The following RBM33 variants were observed in gnomAD, a reference collection of about 807,000 sequenced individuals.
The protein encoded by RBM33 is RNA binding motif protein 33, also known as RNA-binding protein 33.
In RBM33, 28 loss-of-function variants were observed where a neutral mutation model predicts 132.6. That is an observed-to-expected ratio of 0.21 (90% CI 0.16 to 0.29). RBM33 has a LOEUF of 0.29. RBM33 is among the 10% of genes least tolerant of loss of function. The pLI is 1.00. For missense variants in RBM33, 1,291 were observed against 1,518.5 expected (o/e 0.85, Z 2.49); for synonymous variants, 634 against 593.0 (o/e 1.07, Z -1.01).
rs548976812 is a variant in RBM33 at position 155,673,060 on chromosome 7, G to A, written c.171+145G>A. On this transcript the variant is annotated intron_variant, in intron 3 of 17. Transcript: ENST00000401878. ...GTAAACTGAATTATTTTTTAAGTGCGCAGGGAATTGACTGTTTATTAGTAA... is the reference window on the plus strand; with the variant it reads ...GTAAACTGAATTATTTTTTAAGTGCACAGGGAATTGACTGTTTATTAGTAA... The A allele has an allele frequency of 2.7e-4, 136 of 497,392 alleles. No homozygotes were observed. In the South Asian group the frequency reaches 3.8e-3, roughly 14 times the overall value. 30.8% of individuals were successfully genotyped at this position (497,392 alleles called of 1,614,324 possible). A position where few individuals can be genotyped will look rare whatever the true frequency, so the allele number is the denominator to read the frequency against.
At chr7:155,682,501 T>C (rs1799363435) in intron 5 of RBM33, among the ~76,000 whole-genome samples, 1 of 152,220 alleles carries the variant, frequency 6.6e-6, no homozygotes, top group African/African-American at 2.4e-5. Flanking sequence ...TTGTGCCTAG[T>C]TATTGCCTAG....
In RBM33 at chr7:155,737,552, A is replaced by G; in HGVS notation, c.1283A>G (p.His428Arg). The change falls in exon 10 of 18, where the codon CAT (histidine) becomes CGT (arginine). Residue 428 changes from histidine (H) to arginine (R), a missense_variant. Transcript: ENST00000401878. The stretch of plus-strand genomic sequence containing the variant: ...TAGGGCCCTCCAGAATTTCCACAGC[A>G]TACACCTGGACCTGTTCCCAACAGT... Reference protein sequence around the residue: ...RFPGPPEFPQHTPGPVPNSFS... With the variant: ...RFPGPPEFPQRTPGPVPNSFS... 1 of 1,611,478 alleles carries G rather than the reference A, an allele frequency of 6.2e-7. No individual in the cohort carries two copies. Among genetic ancestry groups the G allele is most frequent in the Non-Finnish European group, 8.5e-7 (1 of 1,179,126 alleles).
chr7:155,714,849 G>C (rs1800412501), intron 8 of RBM33, among the ~76,000 whole-genome samples: 1 of 152,152 alleles, frequency 6.6e-6, no homozygotes, highest in Non-Finnish European at 1.5e-5. Flanking sequence ...TCCCATACGT[G>C]GGTGAGAAGT....
chr7:155,695,717 T>C (rs1799775745), intron 5 of RBM33, among the ~76,000 whole-genome samples: 1 of 152,216 alleles, frequency 6.6e-6, no homozygotes, highest in African/African-American at 2.4e-5. Flanking sequence ...CGCCTTGGCC[T>C]CCCAAAGTGC....
chr7:155,775,175 CGCCA>C lies in RBM33; in HGVS notation c.*143_*146del. ...TGTCCTGCGTAACTGTTCTCCAGAG[CGCCA>C]GCCAGCCACGGGCCTGATTCCAGAG... On this transcript the variant is annotated 3_prime_UTR_variant, in exon 18 of 18. Coordinates refer to ENST00000401878, the MANE Select transcript of RBM33 (RefSeq NM_053043.3). 1.2e-6 allele frequency: 1 copy of C among 806,318 alleles called. No homozygotes were observed. Among genetic ancestry groups the C allele is most frequent in the Non-Finnish European group, 2.2e-6 (1 of 464,096 alleles). 49.9% of individuals were successfully genotyped at this position (806,318 alleles called of 1,614,324 possible).
At chr7:155,729,715 T>C (rs985583849) in intron 9 of RBM33, among the ~76,000 whole-genome samples, 78 of 148,560 alleles carry the variant, frequency 5.3e-4, no homozygotes, top group African/African-American at 1.8e-3. Flanking sequence ...CCAGTCTGTG[T>C]GACAAAGCAA....
rs929552126 is a variant in RBM33 at position 155,745,824 on chromosome 7, C to T, written c.2979+222C>T. On this transcript the variant is annotated intron_variant, in intron 14 of 17. Transcript: ENST00000401878. This position sits in a 1 kb window ranked among gnomAD's most constrained non-coding sequence, Gnocchi z 4.1. ...GCGATTTTGTCATTGTCTGAACGTG[C>T]TAGAATGTACTTCCATACACAGACG... 18 of 563,156 alleles carry T rather than the reference C, an allele frequency of 3.2e-5. No homozygotes were observed. The Admixed American group carries it at 4.9e-4, about 15-fold the overall frequency. The allele number at this position is 563,156 out of a possible 1,614,324, so 34.9% of individuals were successfully genotyped here.
rs1802599775 is a variant in RBM33, at chr7:155,776,112, A to G, written c.*1071A>G. The G allele has an allele frequency of 1.3e-5, 2 of 152,486 alleles. No individual in the cohort carries two copies. Among genetic ancestry groups the G allele is most frequent in the African/African-American group, 2.4e-5 (1 of 41,438 alleles). The allele number at this position is 152,486 out of a possible 1,614,324, so 9.4% of individuals were successfully genotyped here. ...TGTCATCATTGAAACTGCTTTTCGT[A>G]ATTGCGGGTAGGTTCCTGTAGGTGA... On this transcript the variant is annotated 3_prime_UTR_variant, in exon 18 of 18. Coordinates refer to ENST00000401878, the MANE Select transcript of RBM33 (RefSeq NM_053043.3). This position sits in a 1 kb window ranked among gnomAD's most constrained non-coding sequence, Gnocchi z 4.0.
intron 16 of RBM33, among the ~76,000 whole-genome samples, chr7:155,771,766 C>T (rs1333066782): frequency 2.0e-5 from 3 of 152,210 alleles, no homozygotes; most frequent in Middle Eastern, 3.4e-3. Flanking sequence ...GAGTCTCGCT[C>T]TGTCACCCAG....
chr7:155,681,179 G>A (rs1799328286), intron 5 of RBM33, among the ~76,000 whole-genome samples: 1 of 152,224 alleles, frequency 6.6e-6, no homozygotes, highest in African/African-American at 2.4e-5. Flanking sequence ...TTTGTGTGGT[G>A]GGGATACACT....
chr7:155,773,568 CAAAAAA>C (rs201127157), intron 16 of RBM33, among the ~76,000 whole-genome samples: 666 of 50,436 alleles, frequency 0.013, 4 homozygotes, highest in Non-Finnish European at 0.015. Context: ...ACTCCATCTC[CAAAAAA>C]AAAAAAAAAA....
At chr7:155,671,486 G>T (rs1251941649) in intron 2 of RBM33, among the ~76,000 whole-genome samples, 1 of 152,108 alleles carries the variant, frequency 6.6e-6, no homozygotes, top group Non-Finnish European at 1.5e-5. Flanking sequence ...TAAATGATTT[G>T]TCAGGTTGTT....
At position 155,769,309 on chromosome 7, in the gene RBM33, T is replaced by C. The variant is rs529108750; in HGVS notation, c.3375+2654T>C. Among the ~76,000 whole-genome samples, 220 of 152,294 alleles carry C rather than the reference T, an allele frequency of 1.4e-3. 1 individual carries two copies. The highest frequency in any genetic ancestry group is 5.1e-3 in the African/African-American group (210 of 41,564). On this transcript the variant is annotated intron_variant, in intron 16 of 17. Coordinates refer to ENST00000401878, the MANE Select transcript of RBM33 (RefSeq NM_053043.3). ...GAAAGAAGCAAGAAACCGTCATCTGTGTTTCTTGCGGGAAAGCACATTAAA... is the reference window on the plus strand; with the variant it reads ...GAAAGAAGCAAGAAACCGTCATCTGCGTTTCTTGCGGGAAAGCACATTAAA...
chr7:155,718,372 G>C lies in RBM33; in HGVS notation c.1202-13G>C. The C allele has an allele frequency of 6.2e-7, 1 of 1,613,350 alleles. No individual in the cohort carries two copies. Among genetic ancestry groups the C allele is most frequent in the Non-Finnish European group, 8.5e-7 (1 of 1,179,362 alleles). On this transcript the variant is annotated splice_polypyrimidine_tract_variant and intron_variant, in intron 8 of 17. Transcript: ENST00000401878. Reference sequence around the variant, plus strand: ...GTAAAGTGTGTCTCTAACACAAGGGGTTTTTCTTGCAGTGCCCTTGCTACC... The same window carrying C: ...GTAAAGTGTGTCTCTAACACAAGGGCTTTTTCTTGCAGTGCCCTTGCTACC...
chr7:155,649,900 C>T (rs1247436375), intron 1 of RBM33, among the ~76,000 whole-genome samples: 1 of 152,220 alleles, frequency 6.6e-6, no homozygotes, highest in Non-Finnish European at 1.5e-5. Context: ...TCTGCATATG[C>T]GTAGCTCAAA....
chr7:155,769,577 C>G (rs2051939), intron 16 of RBM33, among the ~76,000 whole-genome samples: 22,043 of 151,966 alleles, frequency 0.15, 1,738 homozygotes, highest in East Asian at 0.28. Context: ...GATCTCAGCC[C>G]ACCATGGAGG....
intron 16 of RBM33, among the ~76,000 whole-genome samples, chr7:155,772,583 C>T (rs1585556082): frequency 2.0e-5 from 3 of 152,204 alleles, no homozygotes; most frequent in East Asian, 1.9e-4. Context: ...CGTTGTGGGG[C>T]TTTACTTTTC....
chr7:155,706,697 T>G (rs1800124728), intron 6 of RBM33, 163 bp from the exon 7 acceptor site: 1 of 599,272 alleles, frequency 1.7e-6, no homozygotes, highest in Admixed American at 2.9e-5. Flanking sequence ...TTGTGTGTGT[T>G]GCTGGTTGTA....
chr7:155,745,485 C>T lies in RBM33; in HGVS notation c.2862C>T (p.Gly954=), dbSNP rs762746642. ...CTCCTCGAGTGGCGTCCATCCAGGG[C>T]CGGCCCCAGGACACAAAGCCTGGCG... is the stretch of plus-strand genomic sequence containing the variant. ...PQTPRVASIQ[G]RPQDTKPGVK... is the part of the protein sequence containing the mutation. Residue 954 remains glycine (G), a synonymous_variant, in exon 14 of 18, where the codon GGC becomes GGT. Coordinates refer to ENST00000401878, the MANE Select transcript of RBM33 (RefSeq NM_053043.3). The surrounding 1 kb of genome is among the most constrained non-coding windows in gnomAD (Gnocchi z 4.1). 2 of 1,613,512 alleles carry T rather than the reference C, an allele frequency of 1.2e-6. No homozygotes were observed. Among genetic ancestry groups the T allele is most frequent in the Non-Finnish European group, 1.7e-6 (2 of 1,179,798 alleles).
Sources: allele counts gnomAD v4.1 joint callset (sites outside exome capture counted in the v4.1 genomes callset), GRCh38; gene constraint gnomAD v4.1.1; non-coding constraint Gnocchi (gnomAD v3.1); transcripts MANE v1.5; gene names NCBI Gene and HGNC (gene_info 2026-07-23, HGNC 2026-07-21).